CDH15: variants seen among roughly 807,000 people sequenced by gnomAD.
The protein encoded by CDH15 is cadherin-15.
CDH15 carries 73 observed loss-of-function variants against 69.4 expected under a neutral mutation model. The ratio of observed to expected loss-of-function variants is 1.05; its 90% confidence interval spans 0.87 to 1.28. CDH15 has a LOEUF of 1.28. Among genes scored for constraint, CDH15 ranks in the 50% most tolerant of loss-of-function variants. The probability of loss-of-function intolerance (pLI) is 0.00; values close to 1 mark genes in which losing one functional copy is unlikely to be tolerated. For synonymous variants in CDH15, 624 were observed against 507.7 expected (o/e 1.23, Z -3.08); for missense variants, 1,343 against 1,133.6 (o/e 1.18, Z -2.65).
At chr16:89,178,632 C>G (rs1328097672) in intron 1 of CDH15, among the ~76,000 whole-genome samples, 2 of 151,334 alleles carry the variant, frequency 1.3e-5, no homozygotes, top group African/African-American at 2.4e-5. Flanking sequence ...GCGTTGGCTG[C>G]CCAGCCCTGA....
At chr16:89,185,904 A>T (rs1366659242) in intron 5 of CDH15, 3 of 184,906 alleles carry the variant, frequency 1.6e-5, no homozygotes, top group African/African-American at 7.1e-5. Flanking sequence ...CCCAGCGCAC[A>T]GTGGTGCTCT....
Position 89,179,477 on chromosome 16 carries a change from G to A in CDH15, c.104G>A (p.Arg35His), listed in dbSNP as rs777432218. Reference sequence around the variant, plus strand: ...AGGCCCACCACCCTGTACCCCTGGCGCCGGGCGCCTGCCCTGAGCCGCGTG... The same window carrying A: ...AGGCCCACCACCCTGTACCCCTGGCACCGGGCGCCTGCCCTGAGCCGCGTG... ...WRRPTTLYPW[R>H]RAPALSRVRR... The change falls in exon 2 of 14, where the codon CGC (arginine) becomes CAC (histidine). Residue 35 changes from arginine to histidine, a missense_variant. Arg to His is a conservative substitution (Grantham distance 29, BLOSUM62 0). Transcript: ENST00000289746. 20 of 1,613,436 alleles carry A rather than the reference G, an allele frequency of 1.2e-5. No individual in the cohort carries two copies. Among genetic ancestry groups the A allele is most frequent in the African/African-American group, 5.3e-5 (4 of 74,940 alleles).
chr16:89,180,308 G>A lies in CDH15; in HGVS notation c.310G>A (p.Val104Ile), dbSNP rs1271164094. The A allele has an allele frequency of 5.0e-6, 8 of 1,612,444 alleles. No homozygotes were observed. The highest frequency in any genetic ancestry group is 6.8e-6 in the Non-Finnish European group (8 of 1,179,558). Residue 104 changes from valine to isoleucine, a missense_variant, in exon 3 of 14, where the codon GTC becomes ATC. Physicochemically the swap from Val to Ile is conservative, Grantham distance 29. Coordinates refer to ENST00000289746, the MANE Select transcript of CDH15 (RefSeq NM_004933.3). The part of the protein sequence containing the change: ...VFSIDKFTGK[V>I]FLNAMLDREK... ...CTCTATCGACAAGTTCACAGGGAAG[G>A]TCTTCCTCAATGCCATGCTGGACCG...
Position 89,192,298 on chromosome 16 carries a change from A to G in CDH15, c.1709A>G (p.Gln570Arg). 4 of 1,532,860 alleles carry G rather than the reference A, an allele frequency of 2.6e-6. No individual in the cohort carries two copies. The highest frequency in any genetic ancestry group is 2.6e-6 in the Non-Finnish European group (3 of 1,146,114). The allele number at this position is 1,532,860 out of a possible 1,614,324, so 95.0% of individuals were successfully genotyped here. A position where few individuals can be genotyped will look rare whatever the true frequency, so the allele number is the denominator to read the frequency against. The change falls in exon 11 of 14, where the codon CAG (glutamine) becomes CGG (arginine). Residue 570 changes from glutamine (Q) to arginine (R), a missense_variant. By Grantham distance (43) the Gln-to-Arg change is conservative (BLOSUM62 1). Transcript: ENST00000289746. ...CGGGACTCGGGGCAGCCGCCCCAGCAGCGCGAGCAGCCTCTGAACGTGACC... is the reference window on the plus strand; with the variant it reads ...CGGGACTCGGGGCAGCCGCCCCAGCGGCGCGAGCAGCCTCTGAACGTGACC... The part of the protein sequence containing the change: ...LLRDSGQPPQ[Q>R]REQPLNVTVC...
In CDH15 at chr16:89,179,665, C is replaced by T. The variant is rs543863152; in HGVS notation, c.201+91C>T. ...TCTCTAAAGGTCTCCTGGGAGCCAG[C>T]GGGGCCCCATTTCAGGACAGAGCTG... On this transcript the variant is annotated intron_variant, in intron 2 of 13. Transcript: ENST00000289746. 3.8e-5 allele frequency: 52 copies of T among 1,358,438 alleles called. No homozygotes were observed. The South Asian group carries it at 4.9e-4, about 13-fold the overall frequency. 84.1% of individuals were successfully genotyped at this position (1,358,438 alleles called of 1,614,324 possible).
At chr16:89,172,771 C>T (rs537793615) in intron 1 of CDH15, among the ~76,000 whole-genome samples, 2 of 152,320 alleles carry the variant, frequency 1.3e-5, no homozygotes, top group Admixed American at 1.3e-4. Context: ...CTGGGCTGGG[C>T]TGGGGCATGG....
At chr16:89,189,283 G>GCACACACAGATGCC (rs1209568967) in intron 7 of CDH15, among the ~76,000 whole-genome samples, 1 of 135,026 alleles carries the variant, frequency 7.4e-6, no homozygotes, top group Non-Finnish European at 1.6e-5. Context: ...ACAGATGCCG[G>GCACACACAGATGCC]CACACACAGA....
chr16:89,190,378 C>T lies in CDH15; in HGVS notation c.1114C>T (p.Pro372Ser), dbSNP rs1235039863. 7 of 1,612,842 alleles carry T rather than the reference C, an allele frequency of 4.3e-6. No homozygotes were observed. Among genetic ancestry groups the T allele is most frequent in the Non-Finnish European group, 5.1e-6 (6 of 1,179,946 alleles). ...VRVHVQDTNE[P>S]PVFQENPLRT... ...CGTGCATGTGCAGGACACCAACGAG[C>T]CCCCCGTGTTCCAGGAGAACCCACT... The change falls in exon 8 of 14, where the codon CCC (proline) becomes TCC (serine). Residue 372 changes from proline to serine, a missense_variant. Coordinates refer to ENST00000289746, the MANE Select transcript of CDH15 (RefSeq NM_004933.3).
intron 1 of CDH15, among the ~76,000 whole-genome samples, chr16:89,175,467 G>C (rs533273707): frequency 6.6e-6 from 1 of 152,230 alleles, no homozygotes; most frequent in East Asian, 1.9e-4. Flanking sequence ...CTGTCTGTGT[G>C]GCTTTGAGCA....
In CDH15 at chr16:89,179,552, G is replaced by T. The variant is rs141444660; in HGVS notation, c.179G>T (p.Arg60Leu). ...PPISVSENHK[R>L]LPYPLVQIKS... ...ATCAGCGTATCCGAGAACCACAAGC[G>T]TCTCCCCTACCCCCTGGTTCAGGTG... Residue 60 changes from arginine to leucine, a missense_variant, in exon 2 of 14, where the codon CGT becomes CTT. Physicochemically the swap from Arg to Leu is moderately radical, Grantham distance 102 (BLOSUM62 -2). Coordinates refer to ENST00000289746, the MANE Select transcript of CDH15 (RefSeq NM_004933.3). 1.2e-6 allele frequency: 2 copies of T among 1,606,748 alleles called. No individual in the cohort carries two copies. The highest frequency in any genetic ancestry group is 2.7e-5 in the African/African-American group (2 of 74,854).
In CDH15 at chr16:89,178,714, C is replaced by T. The variant is rs185720548; in HGVS notation, c.43-702C>T. ...CACACAGCACAGTCCAGTTGGGGGC[C>T]GCTGTATGAATTACGGATACATCTC... On this transcript the variant is annotated intron_variant, in intron 1 of 13. Coordinates refer to ENST00000289746, the MANE Select transcript of CDH15 (RefSeq NM_004933.3). 2.9e-4 allele frequency among the ~76,000 whole-genome samples: 44 copies of T among 152,352 alleles called. 1 individual carries two copies. The highest frequency in any genetic ancestry group is 2.2e-3 in the Admixed American group (34 of 15,308).
At chr16:89,178,189 G>A (rs908193597) in intron 1 of CDH15, among the ~76,000 whole-genome samples, 11 of 152,172 alleles carry the variant, frequency 7.2e-5, no homozygotes, top group East Asian at 1.9e-4. Flanking sequence ...GTTGCTGACC[G>A]TCAGGACCTC....
intron 1 of CDH15, among the ~76,000 whole-genome samples, chr16:89,173,733 G>A (rs1052999449): frequency 2.0e-5 from 3 of 152,202 alleles, no homozygotes; most frequent in Non-Finnish European, 4.4e-5. Context: ...CTACAAGTGA[G>A]GGGTTGCTCC....
chr16:89,182,097 C>T (rs1285593919), intron 3 of CDH15, among the ~76,000 whole-genome samples: 8 of 113,364 alleles, frequency 7.1e-5, no homozygotes, highest in African/African-American at 1.9e-4. Flanking sequence ...CCCCAGCCTC[C>T]CCTCCCCCAG....
Position 89,193,804 on chromosome 16 carries a change from C to G in CDH15, c.2042C>G (p.Pro681Arg), listed in dbSNP as rs910602813. 6.2e-7 allele frequency: 1 copy of G among 1,608,336 alleles called. No homozygotes were observed. The highest frequency in any genetic ancestry group is 1.3e-5 in the African/African-American group (1 of 74,902). ...CGTCACCCGACAGCGCTGAGCCTGC[C>G]TCTGGGACCGCCGCCACTTCGCAGA... ...QLRHPTALSL[P>R]LGPPPLRRDA... The change falls in exon 13 of 14, where the codon CCT (proline) becomes CGT (arginine). Residue 681 changes from proline (P) to arginine (R), a missense_variant. Pro to Arg is a moderately radical substitution (Grantham distance 103). Transcript: ENST00000289746.
At chr16:89,183,446 C>A (rs1915418678) in intron 3 of CDH15, 102 bp from the exon 4 acceptor site, 3 of 1,365,974 alleles carry the variant, frequency 2.2e-6, no homozygotes, top group African/African-American at 1.4e-5. Context: ...GTGTTTCCAG[C>A]TGGAGACAAA....
rs1915707731 is a variant in CDH15, at chr16:89,193,517, C to T, written c.1903C>T (p.Arg635Trp). The T allele has an allele frequency of 3.1e-6, 5 of 1,612,074 alleles. No individual in the cohort carries two copies. The highest frequency in any genetic ancestry group is 2.7e-5 in the African/African-American group (2 of 74,892). The change falls in exon 12 of 14, where the codon CGG (arginine) becomes TGG (tryptophan). Residue 635 changes from arginine to tryptophan, a missense_variant. Coordinates refer to ENST00000289746, the MANE Select transcript of CDH15 (RefSeq NM_004933.3). ...CCGGGCGCGGTTCTGGAAGCAGTCT[C>T]GGGGCAAGGGGCTGCTGCACGGCCC... The part of the protein sequence containing the change: ...ALRARFWKQS[R>W]GKGLLHGPQD...
Position 89,190,108 on chromosome 16 carries a change from T to C in CDH15, c.979-135T>C, listed in dbSNP as rs1023801212. On this transcript the variant is annotated intron_variant, in intron 7 of 13. Coordinates refer to ENST00000289746, the MANE Select transcript of CDH15 (RefSeq NM_004933.3). ...CCTTCTTGTCCTGCATAATTTGTTT[T>C]TTCAAGGTTAAAAAGGGGCAGAAGG... 6 of 1,065,376 alleles carry C rather than the reference T, an allele frequency of 5.6e-6. No homozygotes were observed. In the Admixed American group the frequency reaches 1.4e-4, roughly 25 times the overall value. 66.0% of individuals were successfully genotyped at this position (1,065,376 alleles called of 1,614,324 possible). A position where few individuals can be genotyped will look rare whatever the true frequency, so the allele number is the denominator to read the frequency against.
chr16:89,174,739 G>C (rs1189209759), intron 1 of CDH15, among the ~76,000 whole-genome samples: 1 of 152,206 alleles, frequency 6.6e-6, no homozygotes, highest in Non-Finnish European at 1.5e-5. Flanking sequence ...GGGACCCCCT[G>C]TGGGGAAGCA....
Sources: gnomAD v4.1 joint callset for allele counts (sites outside exome capture counted in the v4.1 genomes callset) on GRCh38, gnomAD v4.1.1 for gene constraint, MANE v1.5 for transcripts, NCBI Gene and HGNC (gene_info 2026-07-23, HGNC 2026-07-21) for gene names.